ASIC2: variants seen among roughly 807,000 people sequenced by gnomAD.
The protein encoded by ASIC2 is acid-sensing ion channel 2.
ASIC2 carries 25 observed loss-of-function variants against 57.3 expected under a neutral mutation model. That is an observed-to-expected ratio of 0.44 (90% CI 0.32 to 0.61). The LOEUF (loss-of-function observed/expected upper bound fraction) is 0.61. Ranked by LOEUF, ASIC2 falls within the 20% of genes least tolerant of loss-of-function variation. The pLI is 0.06. For missense variants in ASIC2, 641 were observed against 738.1 expected (o/e 0.87, Z 1.52); for synonymous variants, 319 against 307.5 (o/e 1.04, Z -0.39).
intron 1 of ASIC2, among the ~76,000 whole-genome samples, chr17:33,212,179 C>T (rs776060353): frequency 7.2e-5 from 11 of 152,170 alleles, no homozygotes; most frequent in Admixed American, 1.3e-4. Flanking sequence ...TCCCTGAAAT[C>T]GTGAATATTA....
chr17:33,375,789 G>A (rs1909254303), intron 1 of ASIC2, among the ~76,000 whole-genome samples: 1 of 152,156 alleles, frequency 6.6e-6, no homozygotes, highest in African/African-American at 2.4e-5. Flanking sequence ...GCAAGGTATC[G>A]AAAAGGACAG....
At chr17:33,060,950 T>G in intron 3 of ASIC2, among the ~76,000 whole-genome samples, 1 of 152,240 alleles carries the variant, frequency 6.6e-6, no homozygotes, top group Non-Finnish European at 1.5e-5. Flanking sequence ...ATTCATGATT[T>G]GGCTCTCTGT....
At chr17:33,359,899 C>T (rs1012126517) in intron 1 of ASIC2, among the ~76,000 whole-genome samples, 1 of 152,138 alleles carries the variant, frequency 6.6e-6, no homozygotes, top group African/African-American at 2.4e-5. Flanking sequence ...CTGAAGCAGC[C>T]ATGAAGCAGT....
intron 1 of ASIC2, among the ~76,000 whole-genome samples, chr17:34,000,382 G>C (rs1255983169): frequency 2.6e-5 from 4 of 151,426 alleles, no homozygotes; most frequent in Admixed American, 2.0e-4. Context: ...CTCTCAAGTA[G>C]CTGGGATTAC....
chr17:33,773,829 TTTA>T (rs1266290937), intron 1 of ASIC2, among the ~76,000 whole-genome samples: 5 of 151,644 alleles, frequency 3.3e-5, no homozygotes, highest in African/African-American at 1.2e-4. Flanking sequence ...TAATTTAAAT[TTTA>T]TTATTATTTT....
chr17:34,144,489 T>A (rs953808779), intron 1 of ASIC2, among the ~76,000 whole-genome samples: 1 of 152,188 alleles, frequency 6.6e-6, no homozygotes, highest in Non-Finnish European at 1.5e-5. Flanking sequence ...TGTCACTATG[T>A]TGTATCACCA....
At chr17:34,063,423 G>A (rs558530977) in intron 1 of ASIC2, among the ~76,000 whole-genome samples, 111 of 152,194 alleles carry the variant, frequency 7.3e-4, no homozygotes, top group African/African-American at 2.6e-3. Context: ...TACTGAATGA[G>A]GAAAAGTTGA....
intron 1 of ASIC2, among the ~76,000 whole-genome samples, chr17:33,532,299 T>C (rs1021976271): frequency 6.6e-5 from 10 of 152,250 alleles, no homozygotes; most frequent in Non-Finnish European, 7.3e-5. Flanking sequence ...TGGGAATGCA[T>C]GATCCACATG....
At chr17:33,969,925 G>T (rs1465527398) in intron 1 of ASIC2, among the ~76,000 whole-genome samples, 1 of 152,152 alleles carries the variant, frequency 6.6e-6, no homozygotes, top group Non-Finnish European at 1.5e-5. Context: ...TGGGCTAGGG[G>T]TCTGGGGGAA....
chr17:33,085,178 A>G (rs1567738976), intron 3 of ASIC2, among the ~76,000 whole-genome samples: 1 of 152,170 alleles, frequency 6.6e-6, no homozygotes, highest in Non-Finnish European at 1.5e-5. Context: ...ACTTGTCCCC[A>G]TGGCCTTCCT....
chr17:34,062,646 G>A (rs984337510), intron 1 of ASIC2, among the ~76,000 whole-genome samples: 6 of 152,052 alleles, frequency 3.9e-5, no homozygotes, highest in Non-Finnish European at 8.8e-5. Context: ...GAAAAGAATA[G>A]AGTAAATCCA....
At chr17:34,100,098 C>A (rs528383296) in intron 1 of ASIC2, among the ~76,000 whole-genome samples, 1 of 152,058 alleles carries the variant, frequency 6.6e-6, no homozygotes, top group African/African-American at 2.4e-5. Flanking sequence ...CTGCAGACCA[C>A]CAAAGAGCAG....
chr17:33,877,795 C>G (rs1914590332), intron 1 of ASIC2, among the ~76,000 whole-genome samples: 1 of 152,222 alleles, frequency 6.6e-6, no homozygotes, highest in Non-Finnish European at 1.5e-5. Flanking sequence ...GATCTGAGAA[C>G]AGACAGACTG....
At chr17:33,647,275 G>C (rs971204336) in intron 1 of ASIC2, among the ~76,000 whole-genome samples, 2 of 152,182 alleles carry the variant, frequency 1.3e-5, no homozygotes, top group African/African-American at 4.8e-5. Context: ...CAAGGATCCA[G>C]CCCACTCCTT....
At chr17:33,492,586 A>T (rs957516831) in intron 1 of ASIC2, among the ~76,000 whole-genome samples, 1 of 152,202 alleles carries the variant, frequency 6.6e-6, no homozygotes, top group Non-Finnish European at 1.5e-5. Context: ...TTGAGTGAAC[A>T]TACCTTTCCT....
At chr17:33,290,375 TC>T (rs1905371073) in intron 1 of ASIC2, among the ~76,000 whole-genome samples, 1 of 152,124 alleles carries the variant, frequency 6.6e-6, no homozygotes, top group Admixed American at 6.5e-5. Context: ...ACACCAACCT[TC>T]CCTGCACTAG....
rs542042132 is a variant in ASIC2, at chr17:33,335,093, C to T, written c.556-223026G>A. ...GATTCAAAAGAGACAGGTCTATTATCCCTTTTTACATTAAATTGTGAGAAT... is the reference window on the plus strand; with the variant it reads ...GATTCAAAAGAGACAGGTCTATTATTCCTTTTTACATTAAATTGTGAGAAT... On this transcript the variant is annotated intron_variant, in intron 1 of 9. Coordinates refer to the ASIC2 transcript ENST00000359872. Among the ~76,000 whole-genome samples, 131 of 152,252 alleles carry T rather than the reference C, an allele frequency of 8.6e-4. 1 individual carries two copies. Among genetic ancestry groups the T allele is most frequent in the African/African-American group, 3.1e-3 (129 of 41,548 alleles).
intron 2 of ASIC2, among the ~76,000 whole-genome samples, chr17:33,089,995 C>A (rs959797923): frequency 6.6e-6 from 1 of 152,180 alleles, no homozygotes; most frequent in Non-Finnish European, 1.5e-5. Context: ...ACAGAATGAG[C>A]TCTCCAAATG....
At chr17:33,436,759 G>A (rs1026390470) in intron 1 of ASIC2, among the ~76,000 whole-genome samples, 3 of 151,472 alleles carry the variant, frequency 2.0e-5, no homozygotes, top group East Asian at 1.9e-4. Flanking sequence ...TTTTCTGTAC[G>A]AGGGTGATAG....
Sources: gnomAD v4.1 joint callset for allele counts (sites outside exome capture counted in the v4.1 genomes callset) on GRCh38, gnomAD v4.1.1 for gene constraint, MANE v1.5 for transcripts, NCBI Gene and HGNC (gene_info 2026-07-23, HGNC 2026-07-21) for gene names.